GHR: variants seen among roughly 807,000 people sequenced by gnomAD.
GHR encodes growth hormone receptor, also known as GH receptor.
GHR carries 35 observed loss-of-function variants against 67.1 expected under a neutral mutation model. That is an observed-to-expected ratio of 0.52 (90% confidence interval 0.40 to 0.69). GHR has a LOEUF of 0.69. Ranked by LOEUF, GHR falls within the 30% of genes least tolerant of loss-of-function variation. The pLI is 0.00. For missense variants in GHR, 792 were observed against 764.6 expected (o/e 1.04, Z -0.42); for synonymous variants, 272 against 269.1 (o/e 1.01, Z -0.10).
chr5:42,639,988 T>G (rs1754386210), intron 3 of GHR, among the ~76,000 whole-genome samples: 1 of 152,178 alleles, frequency 6.6e-6, no homozygotes, highest in Non-Finnish European at 1.5e-5. Flanking sequence ...GATTTCATAG[T>G]GTTTGAGTTT....
chr5:42,514,403 A>T, intron 1 of GHR: 1 of 848,962 alleles, frequency 1.2e-6, no homozygotes, highest in African/African-American at 1.8e-5. Flanking sequence ...GACCTTTGAA[A>T]AGTTACTTAT....
At chr5:42,649,524 A>G (rs1754911679) in intron 3 of GHR, among the ~76,000 whole-genome samples, 1 of 152,224 alleles carries the variant, frequency 6.6e-6, no homozygotes, top group South Asian at 2.1e-4. Flanking sequence ...AATAACATGC[A>G]AGTCACTTGA....
intron 3 of GHR, among the ~76,000 whole-genome samples, chr5:42,631,457 C>T (rs148762314): frequency 5.1e-4 from 77 of 152,286 alleles, no homozygotes; most frequent in African/African-American, 1.7e-3. Flanking sequence ...TTTATCATCA[C>T]GAGCCTCACA....
chr5:42,523,475 T>C (rs753008230), intron 1 of GHR, among the ~76,000 whole-genome samples: 4 of 152,108 alleles, frequency 2.6e-5, no homozygotes, highest in Non-Finnish European at 5.9e-5. Flanking sequence ...TATTATTATA[T>C]CTGTTTTGGT....
intron 1 of GHR, among the ~76,000 whole-genome samples, chr5:42,504,087 A>G (rs553466198): frequency 6.6e-6 from 1 of 152,234 alleles, no homozygotes; most frequent in East Asian, 1.9e-4. Flanking sequence ...AATAAGCAAC[A>G]TGGTCTTTTC....
intron 1 of GHR, chr5:42,548,237 G>A: frequency 2.0e-6 from 2 of 985,318 alleles, no homozygotes; most frequent in African/African-American, 1.7e-5. Flanking sequence ...GTGCATGAGA[G>A]AGAGAGATTG....
At chr5:42,662,941 C>G (rs565378332) in intron 3 of GHR, among the ~76,000 whole-genome samples, 1 of 152,294 alleles carries the variant, frequency 6.6e-6, no homozygotes, top group South Asian at 2.1e-4. Context: ...GAAATGCAAA[C>G]TACCATCAGA....
intron 1 of GHR, among the ~76,000 whole-genome samples, chr5:42,528,043 A>C (rs1464569262): frequency 6.6e-6 from 1 of 152,176 alleles, no homozygotes; most frequent in Non-Finnish European, 1.5e-5. Flanking sequence ...TTGAGAAAGC[A>C]CCCAGTGACC....
intron 1 of GHR, among the ~76,000 whole-genome samples, chr5:42,471,056 G>A (rs1270316188): frequency 6.6e-6 from 1 of 152,164 alleles, no homozygotes; most frequent in Non-Finnish European, 1.5e-5. Context: ...TAAACTGCAT[G>A]CAAACATCTG....
At chr5:42,466,257 TTACAATATC>T (rs1441087171) in intron 1 of GHR, among the ~76,000 whole-genome samples, 2 of 150,674 alleles carry the variant, frequency 1.3e-5, no homozygotes, top group African/African-American at 4.9e-5. Flanking sequence ...CTCCAGAGCT[TTACAATATC>T]TACAATATCA....
chr5:42,680,567 G>A (rs1756811775), intron 3 of GHR, among the ~76,000 whole-genome samples: 1 of 151,200 alleles, frequency 6.6e-6, no homozygotes, highest in Non-Finnish European at 1.5e-5. Flanking sequence ...GCAGTGACAC[G>A]ATCTCAGCTC....
At chr5:42,609,537 G>A (rs924057493) in intron 2 of GHR, among the ~76,000 whole-genome samples, 1 of 152,134 alleles carries the variant, frequency 6.6e-6, no homozygotes, top group African/African-American at 2.4e-5. Context: ...CTAGCCCATG[G>A]TAGTTTACTT....
At chr5:42,462,877 G>A (rs1744547863) in intron 1 of GHR, among the ~76,000 whole-genome samples, 1 of 151,936 alleles carries the variant, frequency 6.6e-6, no homozygotes, top group Non-Finnish European at 1.5e-5. Context: ...AAATGAATTA[G>A]TAATTATATT....
intron 1 of GHR, among the ~76,000 whole-genome samples, chr5:42,441,567 T>C (rs1319471779): frequency 1.3e-5 from 2 of 152,062 alleles, no homozygotes; most frequent in Non-Finnish European, 2.9e-5. Flanking sequence ...TGGAGTGCAG[T>C]GGCACGATCT....
intron 1 of GHR, chr5:42,514,031 G>C (rs1747136114): frequency 1.2e-6 from 1 of 818,870 alleles, no homozygotes; most frequent in Non-Finnish European, 1.5e-6. Flanking sequence ...TACTGGAAAA[G>C]AAAAATAAAA....
chr5:42,624,449 C>A (rs1753601869), intron 2 of GHR, among the ~76,000 whole-genome samples: 1 of 152,080 alleles, frequency 6.6e-6, no homozygotes, highest in Non-Finnish European at 1.5e-5. Flanking sequence ...GTAATTTTGA[C>A]CAAAATAACA....
At position 42,424,481 on chromosome 5, in the gene GHR, G is replaced by A. The variant is rs1742755506; in HGVS notation, c.-12+526G>A. Reference sequence around the variant, plus strand: ...AGACTGGGGAGGTCGAGCTGTGCGCGTGGACACAGCGCGCAGAGCGCGCGG... The same window carrying A: ...AGACTGGGGAGGTCGAGCTGTGCGCATGGACACAGCGCGCAGAGCGCGCGG... On this transcript the variant is annotated intron_variant, in intron 1 of 9. Transcript: ENST00000230882. The surrounding 1 kb of genome is among the most constrained non-coding windows in gnomAD (Gnocchi z 4.1). The A allele has an allele frequency of 1.1e-5, 10 of 918,854 alleles. No homozygotes were observed. The highest frequency in any genetic ancestry group is 9.8e-5 in the South Asian group (7 of 71,356). 56.9% of individuals were successfully genotyped at this position (918,854 alleles called of 1,614,324 possible).
chr5:42,676,674 G>T (rs1161490379), intron 3 of GHR, among the ~76,000 whole-genome samples: 1 of 152,090 alleles, frequency 6.6e-6, no homozygotes. Context: ...TAACAATAAA[G>T]ACAAGCCAAA....
chr5:42,459,743 A>T (rs775243392), intron 1 of GHR, among the ~76,000 whole-genome samples: 3 of 152,182 alleles, frequency 2.0e-5, no homozygotes, highest in Admixed American at 2.0e-4. Flanking sequence ...TGTGTTTGCT[A>T]GCTGGGCTTG....
Sources: gnomAD v4.1 joint callset for allele counts (sites outside exome capture counted in the v4.1 genomes callset) on GRCh38, gnomAD v4.1.1 for gene constraint, Gnocchi (gnomAD v3.1) non-coding constraint, MANE v1.5 for transcripts, NCBI Gene and HGNC (gene_info 2026-07-23, HGNC 2026-07-21) for gene names.